ZNF516: variants seen among roughly 807,000 people sequenced by gnomAD.
The protein encoded by ZNF516 is zinc finger protein 516.
A neutral mutation model predicts 79.7 loss-of-function variants in ZNF516; 19 were observed. The ratio of observed to expected loss-of-function variants is 0.24; its 90% confidence interval spans 0.17 to 0.35. The LOEUF is 0.35. Among genes scored for constraint, ZNF516 ranks in the 10% least tolerant of loss-of-function variants. ZNF516 has a pLI of 1.00. For synonymous variants in ZNF516, 877 were observed against 739.5 expected (o/e 1.19, Z -3.02); for missense variants, 1,678 against 1,679.5 (o/e 1.00, Z 0.02).
intron 3 of ZNF516, among the ~76,000 whole-genome samples, chr18:76,405,420 G>C (rs2075290794): frequency 1.3e-5 from 2 of 152,146 alleles, no homozygotes; most frequent in African/African-American, 4.8e-5. Context: ...GAAGGGCTCA[G>C]TGAGGCACCG....
intron 3 of ZNF516, among the ~76,000 whole-genome samples, chr18:76,439,122 C>T (rs1011574571): frequency 6.6e-6 from 1 of 152,168 alleles, no homozygotes; most frequent in Non-Finnish European, 1.5e-5. Context: ...GTTTCTTTTC[C>T]AAGCTAGCCC....
At position 76,442,310 on chromosome 18, in the gene ZNF516, G is replaced by A. The variant is rs1424025250; in HGVS notation, c.745C>T (p.Pro249Ser). 1.9e-6 allele frequency: 3 copies of A among 1,612,084 alleles called. No homozygotes were observed. The highest frequency in any genetic ancestry group is 2.5e-6 in the Non-Finnish European group (3 of 1,179,436). ...AAGGCCTGGCCACACACCTCGCACG[G>A]GAACTCCCCGGGGCTCAGCTCGGGC... ...GKPELSPGEF[P>S]CEVCGQAFSQ... Residue 249 changes from proline to serine, a missense_variant, in exon 3 of 7, where the codon CCG (proline) becomes TCG (serine). Around this residue, in one of 5 missense-constraint regions of ZNF516, gnomAD observed 279 missense variants for 254.1 expected, o/e 1.10. Coordinates refer to ENST00000443185, the MANE Select transcript of ZNF516 (RefSeq NM_014643.4).
intron 3 of ZNF516, among the ~76,000 whole-genome samples, chr18:76,433,375 G>A (rs760799093): frequency 3.9e-5 from 6 of 152,208 alleles, no homozygotes; most frequent in Non-Finnish European, 7.3e-5. Context: ...AGCAGGTCTG[G>A]CCCCTGTCTT....
chr18:76,492,914 G>A (rs1915319157), intron 1 of ZNF516: 2 of 985,498 alleles, frequency 2.0e-6, no homozygotes, highest in South Asian at 4.7e-5. Flanking sequence ...AAATGCAGAA[G>A]CCTGCGGATG....
chr18:76,489,035 C>T (rs189090474), intron 1 of ZNF516, among the ~76,000 whole-genome samples: 44 of 152,326 alleles, frequency 2.9e-4, no homozygotes, highest in African/African-American at 9.6e-4. Context: ...TGCTGCAGAA[C>T]GCAGTGAGCT....
In ZNF516 at chr18:76,437,067, AACACACACACACACACAC is replaced by A. The variant is rs370573337; in HGVS notation, c.1810+4160_1810+4177del. ...GGGTGACAGAGCAAGACCTGTCTAA[AACACACACACACACACAC>A]ACACACACACACACATACCGTCTCT... On this transcript the variant is annotated intron_variant, in intron 3 of 6. Transcript: ENST00000443185. Among the ~76,000 whole-genome samples, 7 of 135,984 alleles carry A rather than the reference AACACACACACACACACAC, an allele frequency of 5.1e-5. No homozygotes were observed. The East Asian group carries it at 1.3e-3, about 26-fold the overall frequency. The allele number at this position is 135,984 out of a possible 152,430, so 89.2% of individuals were successfully genotyped here.
At chr18:76,488,298 C>T (rs572339343) in intron 1 of ZNF516, 2 of 972,230 alleles carry the variant, frequency 2.1e-6, no homozygotes, top group Admixed American at 1.2e-4. Context: ...ATTAACAATG[C>T]TGGAAGTGAA....
At chr18:76,495,295 G>C (rs1915438046), upstream of ZNF516, 1 of 144,622 alleles carries the variant, frequency 6.9e-6, no homozygotes, top group Non-Finnish European at 1.5e-5. Context: ...AGGGCGCGCG[G>C]GGCCCGCCAC....
At chr18:76,475,291 C>T (rs776190990) in intron 1 of ZNF516, among the ~76,000 whole-genome samples, 10 of 152,190 alleles carry the variant, frequency 6.6e-5, no homozygotes, top group Non-Finnish European at 1.0e-4. Context: ...TCCTCATAAT[C>T]ACTTACGATT....
At chr18:76,413,187 C>T (rs922267409) in intron 3 of ZNF516, among the ~76,000 whole-genome samples, 3 of 152,260 alleles carry the variant, frequency 2.0e-5, no homozygotes, top group Admixed American at 2.0e-4. Context: ...AAGTTGACCA[C>T]ACTCTCTCTC....
At position 76,379,721 on chromosome 18, in the gene ZNF516, T is replaced by C. The variant is rs541868634; in HGVS notation, c.2393A>G (p.Asn798Ser). 84 of 1,613,790 alleles carry C rather than the reference T, an allele frequency of 5.2e-5. No homozygotes were observed. The Admixed American group carries it at 7.0e-4, about 13-fold the overall frequency. The change falls in exon 4 of 7, where the codon AAT (asparagine) becomes AGT (serine). Residue 798 changes from asparagine to serine, a missense_variant. By Grantham distance (46) the Asn-to-Ser change is conservative (BLOSUM62 1). Coordinates refer to ENST00000443185, the MANE Select transcript of ZNF516 (RefSeq NM_014643.4). Reference protein sequence around the residue: ...NSVAPPWIQPNGYKSIRSNLV... With the variant: ...NSVAPPWIQPSGYKSIRSNLV... Reference sequence around the variant, plus strand: ...ATTGCTTCTGATGCTTTTGTAACCATTGGGCTGAATCCACGGGGGAGCCAC... The same window carrying C: ...ATTGCTTCTGATGCTTTTGTAACCACTGGGCTGAATCCACGGGGGAGCCAC...
At chr18:76,409,220 A>G (rs2075342213) in intron 3 of ZNF516, among the ~76,000 whole-genome samples, 1 of 152,234 alleles carries the variant, frequency 6.6e-6, no homozygotes, top group Non-Finnish European at 1.5e-5. Context: ...CTCTGCACAG[A>G]TATGTTTTGT....
intron 3 of ZNF516, among the ~76,000 whole-genome samples, chr18:76,405,619 G>A (rs1293953695): frequency 2.0e-5 from 3 of 151,864 alleles, no homozygotes; most frequent in East Asian, 1.9e-4. Flanking sequence ...TTCTCATTGC[G>A]GTTCTGCTTG....
intron 3 of ZNF516, among the ~76,000 whole-genome samples, chr18:76,391,978 G>C (rs1333325558): frequency 6.6e-6 from 1 of 152,216 alleles, no homozygotes; most frequent in South Asian, 2.1e-4. Flanking sequence ...GGGACGGCGA[G>C]GCAAACAACA....
intron 3 of ZNF516, among the ~76,000 whole-genome samples, chr18:76,413,069 C>T (rs1022237047): frequency 2.0e-5 from 3 of 152,164 alleles, no homozygotes; most frequent in Non-Finnish European, 2.9e-5. Context: ...TGTGAGGAAG[C>T]GGGAAGCGGA....
chr18:76,480,230 A>G (rs1174455737), intron 1 of ZNF516, among the ~76,000 whole-genome samples: 2 of 151,592 alleles, frequency 1.3e-5, no homozygotes, highest in East Asian at 3.9e-4. Flanking sequence ...CACGTTTAAC[A>G]TTTTGGATTT....
chr18:76,431,275 A>C (rs987511270), intron 3 of ZNF516, among the ~76,000 whole-genome samples: 1 of 152,316 alleles, frequency 6.6e-6, no homozygotes, highest in African/African-American at 2.4e-5. Context: ...ACACAAAAAC[A>C]CTTATCAAAT....
chr18:76,449,680 T>C (rs1912276189), intron 2 of ZNF516, among the ~76,000 whole-genome samples: 1 of 152,268 alleles, frequency 6.6e-6, no homozygotes, highest in Non-Finnish European at 1.5e-5. Flanking sequence ...TTTACTACAC[T>C]GTAAATCTTC....
chr18:76,442,801 C>T lies in ZNF516; in HGVS notation c.254G>A (p.Arg85His). 6.2e-7 allele frequency: 1 copy of T among 1,609,520 alleles called. No individual in the cohort carries two copies. The highest frequency in any genetic ancestry group is 1.7e-5 in the Admixed American group (1 of 59,468). Residue 85 changes from arginine to histidine, a missense_variant, in exon 3 of 7, where the codon CGC becomes CAC. Physicochemically the swap from Arg to His is conservative, Grantham distance 29. Transcript: ENST00000443185. The part of the protein sequence containing the change: ...GNLKIHIRSH[R>H]TGTLIQGHEP... Reference sequence around the variant, plus strand: ...GTGTCCCTGAATCAGAGTCCCCGTGCGGTGGCTCCGGATGTGAATCTTCAG... The same window carrying T: ...GTGTCCCTGAATCAGAGTCCCCGTGTGGTGGCTCCGGATGTGAATCTTCAG...
Sources: allele counts gnomAD v4.1 joint callset (sites outside exome capture counted in the v4.1 genomes callset), GRCh38; gene constraint gnomAD v4.1.1; regional missense constraint gnomAD v4.1.1; transcripts MANE v1.5; gene names NCBI Gene and HGNC (gene_info 2026-07-23, HGNC 2026-07-21).